Variants in CSMD1 observed in about 807,000 individuals in gnomAD.
CSMD1 encodes the protein CUB and Sushi multiple domains 1.
A neutral mutation model predicts 417.5 loss-of-function variants in CSMD1; 213 were observed. The observed-to-expected ratio is 0.51, with a 90% CI of 0.46 to 0.57. The LOEUF (loss-of-function observed/expected upper bound fraction) is 0.57, where lower values mean the gene tolerates loss of function less well. Ranked by LOEUF, CSMD1 falls within the 20% of genes least tolerant of loss-of-function variation. The pLI is 0.00. For missense variants in CSMD1, 6,923 were observed against 4,529.7 expected, an observed-to-expected ratio of 1.53 and a Z score of -15.17; for synonymous variants, 2,862 against 1,736.8, an observed-to-expected ratio of 1.65 and a Z score of -16.11.
intron 12 of CSMD1, among the ~76,000 whole-genome samples, chr8:3,465,237 G>C (rs551644857): frequency 8.7e-4 from 132 of 152,132 alleles, no homozygotes; most frequent in African/African-American, 2.6e-3. Context: ...CACAGGCCCT[G>C]GTTTTCATTT....
intron 7 of CSMD1, among the ~76,000 whole-genome samples, chr8:3,689,026 A>C (rs780171996): frequency 3.3e-5 from 5 of 152,216 alleles, no homozygotes; most frequent in Non-Finnish European, 5.9e-5. Flanking sequence ...TTCTGATTTT[A>C]TAAGCAGGAA....
At chr8:3,567,494 AAAGG>A (rs1433617500) in intron 10 of CSMD1, among the ~76,000 whole-genome samples, 2 of 146,606 alleles carry the variant, frequency 1.4e-5, no homozygotes, top group Non-Finnish European at 3.0e-5. Flanking sequence ...CAAAAGGAAG[AAAGG>A]AAGGAAGGGA....
chr8:4,493,450 C>A (rs1021034397), intron 2 of CSMD1, among the ~76,000 whole-genome samples: 4 of 152,082 alleles, frequency 2.6e-5, no homozygotes, highest in Non-Finnish European at 5.9e-5. Context: ...AATGCCAACA[C>A]TTTGGGAGGC....
intron 5 of CSMD1, among the ~76,000 whole-genome samples, chr8:3,814,464 G>A (rs1434458474): frequency 1.3e-5 from 2 of 152,092 alleles, no homozygotes; most frequent in Non-Finnish European, 2.9e-5. Flanking sequence ...ATAATGATTT[G>A]CACACTCCAT....
At chr8:4,169,556 T>C (rs1026851078) in intron 3 of CSMD1, among the ~76,000 whole-genome samples, 1 of 152,160 alleles carries the variant, frequency 6.6e-6, no homozygotes, top group African/African-American at 2.4e-5. Context: ...TCATGTTACT[T>C]TTCTCATATT....
At chr8:3,914,721 C>T (rs900001934) in intron 5 of CSMD1, among the ~76,000 whole-genome samples, 2 of 150,888 alleles carry the variant, frequency 1.3e-5, no homozygotes, top group African/African-American at 4.9e-5. Flanking sequence ...TTGACTATCC[C>T]TTTTTTTTTC....
chr8:3,151,492 C>T lies in CSMD1; in HGVS notation c.5936G>A (p.Ser1979Asn). Residue 1979 changes from serine to asparagine, a missense_variant, in exon 40 of 70, where the codon AGC becomes AAC. Physicochemically the swap from Ser to Asn is conservative, Grantham distance 46. Coordinates refer to ENST00000635120, the MANE Select transcript of CSMD1 (RefSeq NM_033225.6). ...GCTCAGGATCACACCACCCAAGGTG[C>T]TCAGCGTCCCTCCACAGGTTGCTGT... ...LCIATCGGTL[S>N]TLGGVILSPG... 3 of 1,612,870 alleles carry T rather than the reference C, an allele frequency of 1.9e-6. No homozygotes were observed. Among genetic ancestry groups the T allele is most frequent in the Non-Finnish European group, 2.5e-6 (3 of 1,179,386 alleles).
chr8:4,431,706 C>A (rs1725124), intron 2 of CSMD1, among the ~76,000 whole-genome samples: 1 of 152,140 alleles, frequency 6.6e-6, no homozygotes, highest in Non-Finnish European at 1.5e-5. Flanking sequence ...ATCCTGACAG[C>A]AGAATTAAGA....
chr8:3,780,655 C>T (rs1242008432), intron 5 of CSMD1, among the ~76,000 whole-genome samples: 1 of 152,206 alleles, frequency 6.6e-6, no homozygotes, highest in Middle Eastern at 3.2e-3. Flanking sequence ...TGTAATCAAG[C>T]CCCTCACCTG....
At chr8:4,690,563 G>C (rs1344300720) in intron 1 of CSMD1, among the ~76,000 whole-genome samples, 1 of 152,074 alleles carries the variant, frequency 6.6e-6, no homozygotes, top group Non-Finnish European at 1.5e-5. Context: ...TTCAGAAAAA[G>C]GATGAATTCT....
intron 7 of CSMD1, among the ~76,000 whole-genome samples, chr8:3,641,810 C>A (rs1797321607): frequency 6.6e-6 from 1 of 152,172 alleles, no homozygotes; most frequent in African/African-American, 2.4e-5. Flanking sequence ...TCTGTTGTGA[C>A]CTTTGTCGAT....
At chr8:4,226,667 T>C (rs992763930) in intron 3 of CSMD1, among the ~76,000 whole-genome samples, 4 of 152,150 alleles carry the variant, frequency 2.6e-5, no homozygotes, top group South Asian at 4.1e-4. Context: ...TCATAGAAAT[T>C]AGTAAATGTA....
intron 37 of CSMD1, among the ~76,000 whole-genome samples, chr8:3,175,679 G>A (rs565728040): frequency 1.4e-5 from 2 of 139,072 alleles, no homozygotes; most frequent in Admixed American, 6.8e-5. Flanking sequence ...CTGTATCTAC[G>A]AGCAGAGCTT....
chr8:4,879,780 G>A (rs1055329530), intron 1 of CSMD1, among the ~76,000 whole-genome samples: 1 of 152,100 alleles, frequency 6.6e-6, no homozygotes, highest in Non-Finnish European at 1.5e-5. Context: ...ACAGGGGACA[G>A]ATGAATGCAT....
chr8:3,385,911 A>G (rs1234622837), intron 18 of CSMD1, among the ~76,000 whole-genome samples: 6 of 151,340 alleles, frequency 4.0e-5, no homozygotes, highest in South Asian at 4.2e-4. Context: ...ATATGAGAGG[A>G]AAAAAAAAGC....
intron 2 of CSMD1, among the ~76,000 whole-genome samples, chr8:4,610,117 G>A (rs1026776546): frequency 2.6e-5 from 4 of 151,584 alleles, no homozygotes; most frequent in Non-Finnish European, 5.9e-5. Flanking sequence ...TTCAGGGAAA[G>A]GGTGTCATTT....
intron 1 of CSMD1, among the ~76,000 whole-genome samples, chr8:4,889,995 T>A (rs537192456): frequency 1.8e-4 from 27 of 152,254 alleles, no homozygotes; most frequent in African/African-American, 6.3e-4. Context: ...ATATATGACT[T>A]CAGGTATCTT....
chr8:4,814,475 A>G (rs1171010410), intron 1 of CSMD1, among the ~76,000 whole-genome samples: 3 of 152,176 alleles, frequency 2.0e-5, no homozygotes, highest in African/African-American at 7.2e-5. Context: ...TCGAACTCCT[A>G]AAGTCAAGTG....
intron 5 of CSMD1, among the ~76,000 whole-genome samples, chr8:3,789,038 G>A (rs1585000372): frequency 2.0e-5 from 3 of 152,164 alleles, no homozygotes; most frequent in African/African-American, 7.2e-5. Flanking sequence ...GCTATGTTCT[G>A]AATGTTTCTG....
Sources: gnomAD v4.1 joint callset for allele counts (sites outside exome capture counted in the v4.1 genomes callset) on GRCh38, gnomAD v4.1.1 for gene constraint, MANE v1.5 for transcripts, NCBI Gene and HGNC (gene_info 2026-07-23, HGNC 2026-07-21) for gene names.